The following KRABD5 variants were observed in gnomAD, a reference collection of about 807,000 sequenced individuals.
KRABD5 encodes KRAB domain containing 5.
chr16:31,732,004 A>C, the KRABD5 span, among the ~76,000 whole-genome samples: 11 of 152,212 alleles, frequency 7.2e-5, no homozygotes, highest in African/African-American at 2.7e-4. Flanking sequence ...CAGGCCTGTC[A>C]CCTGAATCTC....
the KRABD5 span, chr16:31,755,977 C>CAAA: frequency 6.2e-6 from 1 of 162,336 alleles, no homozygotes; most frequent in African/African-American, 2.4e-5. Context: ...TTCAAATGAG[C>CAAA]AAAAGCATTG....
chr16:31,724,414 G>A, the KRABD5 span, among the ~76,000 whole-genome samples: 3 of 152,024 alleles, frequency 2.0e-5, no homozygotes, highest in South Asian at 2.1e-4. Context: ...TGGGCCGGGC[G>A]CGGTGGCTCA....
At chr16:31,735,974 C>G in the KRABD5 span, among the ~76,000 whole-genome samples, 1 of 152,072 alleles carries the variant, frequency 6.6e-6, no homozygotes, top group Admixed American at 6.5e-5. Flanking sequence ...TCGGAATTTC[C>G]AAGTCCGATG....
At chr16:31,716,558 T>C in the KRABD5 span, among the ~76,000 whole-genome samples, 1 of 152,198 alleles carries the variant, frequency 6.6e-6, no homozygotes. Context: ...GCAATTTTTG[T>C]AGAGACAGGG....
the KRABD5 span, among the ~76,000 whole-genome samples, chr16:31,741,286 A>G: frequency 6.6e-6 from 1 of 152,130 alleles, no homozygotes; most frequent in South Asian, 2.1e-4. Context: ...AGTGCATGTG[A>G]CTTTTTGGTA....
the KRABD5 span, chr16:31,753,652 T>G: frequency 9.5e-7 from 1 of 1,053,204 alleles, no homozygotes; most frequent in Non-Finnish European, 1.3e-6. Flanking sequence ...GCCTCAAGTT[T>G]TTGATTCAAC....
chr16:31,722,873 C>G, the KRABD5 span: 2 of 1,107,160 alleles, frequency 1.8e-6, no homozygotes, highest in Non-Finnish European at 2.3e-6. Context: ...TTCCTGTTTC[C>G]AGGAAAAAAA....
At chr16:31,713,301 C>T in the KRABD5 span, 5 of 1,286,656 alleles carry the variant, frequency 3.9e-6, no homozygotes, top group African/African-American at 1.5e-5. Flanking sequence ...TCACCAGGGG[C>T]TCCCAGTCCT....
At chr16:31,726,563 C>A in the KRABD5 span, among the ~76,000 whole-genome samples, 45 of 152,214 alleles carry the variant, frequency 3.0e-4, no homozygotes, top group East Asian at 5.8e-3. Flanking sequence ...GAGTTCAAGA[C>A]CAGCCTGGCC....
chr16:31,726,564 C>A, the KRABD5 span, among the ~76,000 whole-genome samples: 1 of 152,098 alleles, frequency 6.6e-6, no homozygotes, highest in Non-Finnish European at 1.5e-5. Flanking sequence ...AGTTCAAGAC[C>A]AGCCTGGCCA....
the KRABD5 span, among the ~76,000 whole-genome samples, chr16:31,749,866 T>G: frequency 1.2e-4 from 19 of 152,176 alleles, no homozygotes; most frequent in Non-Finnish European, 2.4e-4. Flanking sequence ...CGAACGCTAC[T>G]GTTTCTAGTC....
the KRABD5 span, chr16:31,755,977 C>T: frequency 6.2e-6 from 1 of 162,336 alleles, no homozygotes; most frequent in Non-Finnish European, 1.4e-5. Context: ...TTCAAATGAG[C>T]AAAAGCATTG....
the KRABD5 span, chr16:31,713,258 G>A: frequency 3.1e-5 from 24 of 774,158 alleles, no homozygotes; most frequent in Middle Eastern, 2.9e-4. Flanking sequence ...TTTGGCGGTG[G>A]CCTTTGTTGG....
chr16:31,748,077 C>G, the KRABD5 span, among the ~76,000 whole-genome samples: 4 of 152,036 alleles, frequency 2.6e-5, no homozygotes, highest in Non-Finnish European at 5.9e-5. Context: ...TGCCTATGTC[C>G]TGAATGGTAA....
At chr16:31,727,535 G>A in the KRABD5 span, among the ~76,000 whole-genome samples, 1 of 152,130 alleles carries the variant, frequency 6.6e-6, no homozygotes, top group South Asian at 2.1e-4. Flanking sequence ...AAGGGGCAGT[G>A]TTTTTTCCCT....
chr16:31,740,548 A>G, the KRABD5 span, among the ~76,000 whole-genome samples: 1 of 152,000 alleles, frequency 6.6e-6, no homozygotes, highest in Admixed American at 6.6e-5. Flanking sequence ...TGGTGTGTGC[A>G]TGTAATCCCA....
the KRABD5 span, among the ~76,000 whole-genome samples, chr16:31,737,288 G>T: frequency 1.2e-4 from 19 of 152,162 alleles, no homozygotes; most frequent in Non-Finnish European, 2.4e-4. Flanking sequence ...ATATGACCTT[G>T]TTTATAATAA....
At chr16:31,760,915 C>A in the KRABD5 span, 1 of 152,098 alleles carries the variant, frequency 6.6e-6, no homozygotes, top group African/African-American at 2.4e-5. Context: ...GCTTCAGAAG[C>A]ATTGTCCAAA....
chr16:31,733,748 A>G, the KRABD5 span: 1 of 410,322 alleles, frequency 2.4e-6, no homozygotes, highest in South Asian at 1.8e-5. Context: ...AGGCTCAGTA[A>G]TGTTCTGTTG....
Sources: allele counts gnomAD v4.1 joint callset (sites outside exome capture counted in the v4.1 genomes callset), GRCh38; gene constraint gnomAD v4.1.1; transcripts MANE v1.5; gene names NCBI Gene and HGNC (gene_info 2026-07-23, HGNC 2026-07-21).